The following MSRA variants were observed in gnomAD, a reference collection of about 807,000 sequenced individuals.
The protein encoded by MSRA is methionine sulfoxide reductase A, also known as mitochondrial peptide methionine sulfoxide reductase.
Under a neutral mutation model 31.3 loss-of-function variants are expected in MSRA, and 54 were observed. The observed-to-expected ratio is 1.73, with a 90% CI of 1.39 to 2.17. The LOEUF is 2.17. MSRA is among the 30% of genes most tolerant of loss of function. MSRA has a pLI of 0.00. For synonymous variants in MSRA, 169 were observed against 116.5 expected (o/e 1.45, Z -2.90); for missense variants, 507 against 300.9 (o/e 1.69, Z -5.07).
At chr8:10,148,191 G>C (rs914635616) in intron 1 of MSRA, among the ~76,000 whole-genome samples, 3 of 152,216 alleles carry the variant, frequency 2.0e-5, no homozygotes, top group African/African-American at 7.2e-5. Flanking sequence ...GAAACGCAAG[G>C]ATGGGTGGGA....
At chr8:10,346,341 C>T (rs2067695098) in intron 5 of MSRA, among the ~76,000 whole-genome samples, 1 of 152,218 alleles carries the variant, frequency 6.6e-6, no homozygotes, top group African/African-American at 2.4e-5. Context: ...CTGCTCATGG[C>T]TTATAAGGTC....
intron 5 of MSRA, among the ~76,000 whole-genome samples, chr8:10,340,661 C>T (rs1235082826): frequency 6.6e-6 from 1 of 152,244 alleles, no homozygotes; most frequent in African/African-American, 2.4e-5. Context: ...GCATGAGCCA[C>T]TGTGTCCCGC....
At chr8:10,205,138 G>A (rs115121167) in intron 1 of MSRA, among the ~76,000 whole-genome samples, 289 of 152,304 alleles carry the variant, frequency 1.9e-3, no homozygotes, top group African/African-American at 6.4e-3. Context: ...GGGTCTTGGA[G>A]TTTGTGTCAC....
At chr8:10,115,238 A>T (rs902208064) in intron 1 of MSRA, among the ~76,000 whole-genome samples, 1 of 152,222 alleles carries the variant, frequency 6.6e-6, no homozygotes, top group Non-Finnish European at 1.5e-5. Context: ...AATATTTGTG[A>T]AGAAAAATAT....
chr8:10,143,349 A>T (rs1046435304), intron 1 of MSRA, among the ~76,000 whole-genome samples: 1 of 152,166 alleles, frequency 6.6e-6, no homozygotes, highest in Non-Finnish European at 1.5e-5. Context: ...CAGAAAGCCA[A>T]ATGCTTTCAG....
chr8:10,194,057 A>G lies in MSRA; in HGVS notation c.143-13776A>G, dbSNP rs146053650. ...AAAATTGCAAGAGAGAGAGTAACAGAAAGGATGAGAGGGAAGAGGGATGGA... is the reference window on the plus strand; with the variant it reads ...AAAATTGCAAGAGAGAGAGTAACAGGAAGGATGAGAGGGAAGAGGGATGGA... On this transcript the variant is annotated intron_variant, in intron 1 of 5. Coordinates refer to ENST00000317173, the MANE Select transcript of MSRA (RefSeq NM_012331.5). Among the ~76,000 whole-genome samples the G allele has an allele frequency of 1.2e-3, 190 of 152,330 alleles. 1 individual carries two copies. The highest frequency in any genetic ancestry group is 4.2e-3 in the African/African-American group (176 of 41,578).
chr8:10,169,245 A>T (rs1331711455), intron 1 of MSRA, among the ~76,000 whole-genome samples: 1 of 152,200 alleles, frequency 6.6e-6, no homozygotes, highest in Non-Finnish European at 1.5e-5. Context: ...ACAATAGGAA[A>T]ATTGGCCAAA....
chr8:10,291,032 C>G (rs897706323), intron 3 of MSRA, among the ~76,000 whole-genome samples: 2 of 152,152 alleles, frequency 1.3e-5, no homozygotes, highest in African/African-American at 2.4e-5. Context: ...CTGAAATCAG[C>G]AGGTTGGATA....
chr8:10,392,935 G>A (rs1451002002), intron 5 of MSRA, among the ~76,000 whole-genome samples: 3 of 149,742 alleles, frequency 2.0e-5, no homozygotes, highest in Non-Finnish European at 3.0e-5. Context: ...AATGGCGGGC[G>A]CCTATAGTCC....
At chr8:10,306,082 C>A (rs937565462) in intron 4 of MSRA, among the ~76,000 whole-genome samples, 3 of 152,140 alleles carry the variant, frequency 2.0e-5, no homozygotes, top group Non-Finnish European at 4.4e-5. Flanking sequence ...GGTGTACATT[C>A]CTGGCCATGG....
At chr8:10,111,297 C>T (rs73528945) in intron 1 of MSRA, among the ~76,000 whole-genome samples, 7,456 of 152,236 alleles carry the variant, frequency 0.049, 256 homozygotes, top group South Asian at 0.11. Context: ...GGTCTGTGAA[C>T]ATAAATCATT....
chr8:10,246,356 T>C (rs1167007840), intron 3 of MSRA, among the ~76,000 whole-genome samples: 1 of 152,224 alleles, frequency 6.6e-6, no homozygotes, highest in Non-Finnish European at 1.5e-5. Flanking sequence ...GACTTGTTTC[T>C]GACCTAAAGG....
chr8:10,377,761 C>T (rs1412212641), intron 5 of MSRA, among the ~76,000 whole-genome samples: 1 of 152,196 alleles, frequency 6.6e-6, no homozygotes, highest in Non-Finnish European at 1.5e-5. Flanking sequence ...GGCAAACACC[C>T]TCTGGCAAGT....
intron 1 of MSRA, among the ~76,000 whole-genome samples, chr8:10,087,227 C>G (rs1325633071): frequency 5.9e-5 from 9 of 152,142 alleles, no homozygotes; most frequent in Non-Finnish European, 1.3e-4. Flanking sequence ...ACAACAAATA[C>G]CTATAAAATG....
chr8:10,193,873 AT>A (rs1312915641), intron 1 of MSRA, among the ~76,000 whole-genome samples: 1 of 152,180 alleles, frequency 6.6e-6, no homozygotes, highest in African/African-American at 2.4e-5. Context: ...TAAGGGCAGG[AT>A]TTTTTAAAAA....
At chr8:10,268,462 G>C (rs1262787264) in intron 3 of MSRA, among the ~76,000 whole-genome samples, 1 of 152,084 alleles carries the variant, frequency 6.6e-6, no homozygotes, top group African/African-American at 2.4e-5. Context: ...GGTTAGGGTG[G>C]GGCATTCATT....
At chr8:10,149,430 T>G (rs1187861689) in intron 1 of MSRA, among the ~76,000 whole-genome samples, 2 of 152,106 alleles carry the variant, frequency 1.3e-5, no homozygotes, top group African/African-American at 4.8e-5. Flanking sequence ...GGCTGAGAAA[T>G]TCTTTATGCA....
intron 5 of MSRA, among the ~76,000 whole-genome samples, chr8:10,353,454 C>T (rs1209615598): frequency 1.3e-5 from 2 of 148,348 alleles, no homozygotes; most frequent in African/African-American, 5.1e-5. Context: ...CCTCCCACTT[C>T]GGCATCCGTG....
intron 5 of MSRA, among the ~76,000 whole-genome samples, chr8:10,424,105 C>T (rs1389559662): frequency 6.6e-6 from 1 of 152,158 alleles, no homozygotes; most frequent in Admixed American, 6.5e-5. Context: ...CTTCAAGAAG[C>T]GGGCAGGTTT....
Sources: gnomAD v4.1 joint callset for allele counts (sites outside exome capture counted in the v4.1 genomes callset) on GRCh38, gnomAD v4.1.1 for gene constraint, MANE v1.5 for transcripts, NCBI Gene and HGNC (gene_info 2026-07-23, HGNC 2026-07-21) for gene names.